Variants in GADL1 observed in about 807,000 individuals in gnomAD.
GADL1 encodes the protein acidic amino acid decarboxylase GADL1.
Under a neutral mutation model 69.5 loss-of-function variants are expected in GADL1, and 71 were observed. The ratio of observed to expected loss-of-function variants is 1.02; its 90% confidence interval spans 0.84 to 1.25. GADL1 has a LOEUF of 1.25. GADL1 is among the 50% of genes most tolerant of loss of function. The probability of loss-of-function intolerance (pLI) is 0.00; values close to 1 mark genes in which losing one functional copy is unlikely to be tolerated. For synonymous variants in GADL1, 254 were observed against 214.4 expected, an observed-to-expected ratio of 1.18 and a Z score of -1.62; for missense variants, 737 against 631.8, an observed-to-expected ratio of 1.17 and a Z score of -1.79.
chr3:30,834,630 C>T (rs1336831519), intron 9 of GADL1, among the ~76,000 whole-genome samples: 1 of 152,028 alleles, frequency 6.6e-6, no homozygotes, highest in Non-Finnish European at 1.5e-5. Context: ...TAACATTTTG[C>T]TATTCAGTGT....
chr3:30,785,459 G>T (rs535600341), intron 13 of GADL1, among the ~76,000 whole-genome samples: 1 of 144,788 alleles, frequency 6.9e-6, no homozygotes, highest in Middle Eastern at 3.8e-3. Flanking sequence ...ATAGCTCACC[G>T]CAACCACCGC....
chr3:30,816,955 A>G (rs1397803230), intron 11 of GADL1, among the ~76,000 whole-genome samples: 1 of 152,084 alleles, frequency 6.6e-6, no homozygotes, highest in Non-Finnish European at 1.5e-5. Flanking sequence ...CCAATCACTT[A>G]TATAGTCCCC....
At position 30,728,102 on chromosome 3, in the gene GADL1, T is replaced by G; in HGVS notation, c.*140A>C. 3.0e-6 allele frequency: 2 copies of G among 667,518 alleles called. No individual in the cohort carries two copies. Among genetic ancestry groups the G allele is most frequent in the Admixed American group, 2.4e-5 (1 of 42,248 alleles). The allele number at this position is 667,518 out of a possible 1,614,324, so 41.3% of individuals were successfully genotyped here. On this transcript the variant is annotated 3_prime_UTR_variant, in exon 15 of 15. Transcript: ENST00000282538. ...AGTCCTTAATATTCATTGCTTAGCA[T>G]TTTGGTTTTGCTGGGCCTGGACTGG...
At chr3:30,801,973 C>A (rs1199553737) in intron 11 of GADL1, among the ~76,000 whole-genome samples, 1 of 152,164 alleles carries the variant, frequency 6.6e-6, no homozygotes, top group African/African-American at 2.4e-5. Context: ...ATACCATTTG[C>A]TTGAATCTAA....
chr3:30,828,503 A>G (rs186654107), intron 11 of GADL1, among the ~76,000 whole-genome samples: 125 of 150,868 alleles, frequency 8.3e-4, no homozygotes, highest in African/African-American at 2.9e-3. Flanking sequence ...GGGAGGGTCT[A>G]TATTCCAAGC....
chr3:30,859,028 G>T lies in GADL1; in HGVS notation c.211-1887C>A, dbSNP rs191321104. On this transcript the variant is annotated intron_variant, in intron 2 of 14. Coordinates refer to ENST00000282538, the MANE Select transcript of GADL1 (RefSeq NM_207359.3). ...AAGCCGAATTAGATAGACTTGAAGT[G>T]CTCATGGAATTTATCAACAAGGAGG... is the stretch of plus-strand genomic sequence containing the variant. 8.5e-5 allele frequency among the ~76,000 whole-genome samples: 13 copies of T among 152,126 alleles called. No individual in the cohort carries two copies. The East Asian group carries it at 2.3e-3, about 27-fold the overall frequency.
At chr3:30,787,884 GTT>G (rs1255417941) in intron 12 of GADL1, among the ~76,000 whole-genome samples, 1 of 152,086 alleles carries the variant, frequency 6.6e-6, no homozygotes, top group Non-Finnish European at 1.5e-5. Flanking sequence ...GAATACACTA[GTT>G]TTTAAGATGT....
chr3:30,891,265 A>C (rs978916700), intron 1 of GADL1, among the ~76,000 whole-genome samples: 7 of 152,158 alleles, frequency 4.6e-5, no homozygotes, highest in Admixed American at 6.5e-5. Context: ...GCAACCAAAC[A>C]GCAGAGCACA....
In GADL1 at chr3:30,834,217, C is replaced by T. The variant is rs771366350; in HGVS notation, c.968G>A (p.Arg323Lys). 3.1e-6 allele frequency: 5 copies of T among 1,612,214 alleles called. No homozygotes were observed. The East Asian group carries it at 1.1e-4, about 36-fold the overall frequency. Residue 323 changes from arginine to lysine, a missense_variant and splice_region_variant, in exon 10 of 15, where the codon AGG becomes AAG. Physicochemically the swap from Arg to Lys is conservative, Grantham distance 26 (BLOSUM62 2). Transcript: ENST00000282538. ...CTGTACACCAGGAAACTACATTTAC[C>T]TGTGGATGCCATGCAGAAGCTTGCG... ...KHRKLLHGIH[R>K]ADSVAWNPHK...
In GADL1 at chr3:30,727,106, C is replaced by A. The variant is rs1185005546; in HGVS notation, c.*1136G>T. 1 of 149,056 alleles carries A rather than the reference C, an allele frequency of 6.7e-6. No individual in the cohort carries two copies. The highest frequency in any genetic ancestry group is 2.4e-5 in the African/African-American group (1 of 40,820). The allele number at this position is 149,056 out of a possible 1,614,324, so 9.2% of individuals were successfully genotyped here. ...TGTGTATATATATATATACTATACA[C>A]ACACATATGTATGTGTGTGTATATA... On this transcript the variant is annotated 3_prime_UTR_variant, in exon 15 of 15. Transcript: ENST00000282538.
rs567538227 is a variant in GADL1 at position 30,847,487 on chromosome 3, C to T, written c.651+2509G>A. On this transcript the variant is annotated intron_variant, in intron 6 of 14. Coordinates refer to ENST00000282538, the MANE Select transcript of GADL1 (RefSeq NM_207359.3). ...GCAGAGTTTAAGACTGTTTACTAAA[C>T]ACAACCTTCTTTAATTCTTTAATGA... is the stretch of plus-strand genomic sequence containing the variant. Among the ~76,000 whole-genome samples the T allele has an allele frequency of 2.6e-5, 4 of 152,244 alleles. No individual in the cohort carries two copies. In the South Asian group the frequency reaches 8.3e-4, roughly 32 times the overall value.
At chr3:30,805,734 C>CTTTT (rs34788058) in intron 11 of GADL1, among the ~76,000 whole-genome samples, 1,668 of 65,966 alleles carry the variant, frequency 0.025, 53 homozygotes, top group Non-Finnish European at 0.028. Flanking sequence ...AGTCCCCAGC[C>CTTTT]TTTTTTTTTT....
chr3:30,831,204 G>A (rs1477748842), intron 11 of GADL1, among the ~76,000 whole-genome samples: 4 of 151,848 alleles, frequency 2.6e-5, no homozygotes, highest in Non-Finnish European at 5.9e-5. Context: ...TGGTCTCTAA[G>A]ACCCTTCATG....
At chr3:30,888,609 C>A (rs1359185099) in intron 1 of GADL1, among the ~76,000 whole-genome samples, 1 of 152,052 alleles carries the variant, frequency 6.6e-6, no homozygotes, top group Admixed American at 6.5e-5. Flanking sequence ...AGGGGTACTG[C>A]CTTCAAATCA....
intron 1 of GADL1, among the ~76,000 whole-genome samples, chr3:30,889,193 C>T (rs1698751540): frequency 6.7e-6 from 1 of 148,256 alleles, no homozygotes; most frequent in Admixed American, 6.8e-5. Context: ...AGACCAAAGG[C>T]ATGTTTTACA....
intron 14 of GADL1, among the ~76,000 whole-genome samples, chr3:30,776,672 A>G (rs1033284310): frequency 3.9e-5 from 6 of 152,214 alleles, no homozygotes; most frequent in African/African-American, 1.4e-4. Context: ...CTAAAAGGAC[A>G]CGCTGCCAAG....
chr3:30,754,077 C>T (rs9820573), intron 14 of GADL1, among the ~76,000 whole-genome samples: 1 of 152,016 alleles, frequency 6.6e-6, no homozygotes, highest in African/African-American at 2.4e-5. Flanking sequence ...CTAAATTAGT[C>T]ACACAGGCTT....
At chr3:30,837,047 A>T (rs1697886581) in intron 9 of GADL1, among the ~76,000 whole-genome samples, 1 of 152,024 alleles carries the variant, frequency 6.6e-6, no homozygotes, top group South Asian at 2.1e-4. Context: ...AAATTTTTTT[A>T]AGTAAGTGCA....
chr3:30,737,242 G>A (rs1289552701), intron 14 of GADL1, among the ~76,000 whole-genome samples: 2 of 152,124 alleles, frequency 1.3e-5, no homozygotes, highest in African/African-American at 2.4e-5. Context: ...GACTTTGGGA[G>A]AGGCAAAGGT....
Sources: allele counts gnomAD v4.1 joint callset (sites outside exome capture counted in the v4.1 genomes callset), GRCh38; gene constraint gnomAD v4.1.1; transcripts MANE v1.5; gene names NCBI Gene and HGNC (gene_info 2026-07-23, HGNC 2026-07-21).